Variants in RANBP17 observed in about 807,000 individuals in gnomAD.
RANBP17 encodes RAN binding protein 17, also known as ran-binding protein 17.
A neutral mutation model predicts 141.2 loss-of-function variants in RANBP17; 158 were observed. The observed-to-expected ratio is 1.12, with a 90% CI of 0.98 to 1.28. The LOEUF is 1.28. Ranked by LOEUF, RANBP17 falls within the 50% of genes most tolerant of loss-of-function variation. The probability of loss-of-function intolerance (pLI) is 0.00; values close to 1 mark genes in which losing one functional copy is unlikely to be tolerated. For missense variants in RANBP17, 1,438 were observed against 1,290.7 expected, an observed-to-expected ratio of 1.11 and a Z score of -1.75; for synonymous variants, 430 against 450.0, an observed-to-expected ratio of 0.96 and a Z score of 0.56.
intron 12 of RANBP17, among the ~76,000 whole-genome samples, chr5:170,934,248 T>C (rs1773664286): frequency 6.6e-6 from 1 of 151,706 alleles, no homozygotes; most frequent in Non-Finnish European, 1.5e-5. Context: ...CCTGCTTTTT[T>C]TGTTTTCCAT....
chr5:171,226,595 T>C (rs1258884164), intron 22 of RANBP17, among the ~76,000 whole-genome samples: 1 of 152,140 alleles, frequency 6.6e-6, no homozygotes, highest in Non-Finnish European at 1.5e-5. Context: ...ACCTAGATAA[T>C]AGGCCATTGG....
At chr5:171,053,808 A>C (rs546443251) in intron 14 of RANBP17, among the ~76,000 whole-genome samples, 6 of 145,416 alleles carry the variant, frequency 4.1e-5, no homozygotes, top group African/African-American at 1.5e-4. Flanking sequence ...TCTTGGGGGA[A>C]AGCTTTCAGT....
chr5:171,073,472 T>A (rs1561622773), intron 14 of RANBP17, among the ~76,000 whole-genome samples: 1 of 152,140 alleles, frequency 6.6e-6, no homozygotes, highest in Non-Finnish European at 1.5e-5. Context: ...GAGCCAAGTT[T>A]CTCTCTGTCA....
chr5:171,087,438 C>T (rs1007549149), intron 14 of RANBP17, among the ~76,000 whole-genome samples: 1 of 152,118 alleles, frequency 6.6e-6, no homozygotes, highest in East Asian at 1.9e-4. Context: ...AATGTATATT[C>T]TGTTGATTTG....
intron 26 of RANBP17, among the ~76,000 whole-genome samples, chr5:171,294,394 C>T (rs911913981): frequency 6.6e-6 from 1 of 152,176 alleles, no homozygotes; most frequent in African/African-American, 2.4e-5. Context: ...CCTCACAGAA[C>T]CAGCACCCTT....
intron 24 of RANBP17, chr5:171,252,119 C>T: frequency 6.3e-7 from 1 of 1,593,694 alleles, no homozygotes; most frequent in East Asian, 2.2e-5. Context: ...TAATACCTCC[C>T]AAGAAGTTCA....
intron 14 of RANBP17, among the ~76,000 whole-genome samples, chr5:171,045,562 A>G (rs1333641329): frequency 6.6e-6 from 1 of 152,138 alleles, no homozygotes; most frequent in African/African-American, 2.4e-5. Flanking sequence ...TAACAGACTA[A>G]TTGTCTTTAA....
At chr5:170,984,055 C>A (rs1184515772) in intron 14 of RANBP17, among the ~76,000 whole-genome samples, 3 of 151,988 alleles carry the variant, frequency 2.0e-5, no homozygotes, top group Admixed American at 1.3e-4. Flanking sequence ...TCAGCAAATA[C>A]TGAATAAATA....
intron 9 of RANBP17, among the ~76,000 whole-genome samples, chr5:170,917,356 A>G (rs1017107219): frequency 2.0e-5 from 3 of 152,186 alleles, no homozygotes; most frequent in African/African-American, 7.2e-5. Context: ...CATTAACTTT[A>G]GAGCTTCATT....
In RANBP17 at chr5:171,115,680, G is replaced by A. The variant is rs1755568759; in HGVS notation, c.1711-54450G>A. On this transcript the variant is annotated intron_variant, in intron 14 of 27. Coordinates refer to ENST00000523189, the MANE Select transcript of RANBP17 (RefSeq NM_022897.5). ...TTATATACTTAGTGCACAATCTAAC[G>A]GGATTCCAACAAGTATCACATTACT... Among the ~76,000 whole-genome samples, 5 of 152,118 alleles carry A rather than the reference G, an allele frequency of 3.3e-5. No homozygotes were observed. The South Asian group carries it at 8.3e-4, about 25-fold the overall frequency.
chr5:171,013,933 G>A (rs547122881), intron 14 of RANBP17, among the ~76,000 whole-genome samples: 1 of 152,016 alleles, frequency 6.6e-6, no homozygotes, highest in East Asian at 1.9e-4. Context: ...AGTTGTTGAG[G>A]GAGAAGTCTT....
intron 14 of RANBP17, among the ~76,000 whole-genome samples, chr5:170,994,248 A>C (rs1303835556): frequency 6.6e-6 from 1 of 152,036 alleles, no homozygotes; most frequent in Non-Finnish European, 1.5e-5. Context: ...TATCTAATCA[A>C]GTTCGGATAT....
intron 4 of RANBP17, among the ~76,000 whole-genome samples, chr5:170,893,619 C>T (rs1248250295): frequency 2.0e-5 from 3 of 151,916 alleles, no homozygotes; most frequent in Non-Finnish European, 4.4e-5. Context: ...CGGTGAAACC[C>T]TGTCTCTACT....
At chr5:171,053,878 CATAT>C (rs58623197) in intron 14 of RANBP17, among the ~76,000 whole-genome samples, 959 of 16,970 alleles carry the variant, frequency 0.057, 12 homozygotes, top group South Asian at 0.12. Context: ...GTGTTTAGTT[CATAT>C]ATATATATAT....
chr5:170,979,144 G>A (rs531730160), intron 14 of RANBP17, among the ~76,000 whole-genome samples: 3 of 152,106 alleles, frequency 2.0e-5, no homozygotes, highest in Admixed American at 6.5e-5. Flanking sequence ...AATAATATGT[G>A]CATGGGATTA....
At chr5:171,182,890 A>C (rs1194667452) in intron 16 of RANBP17, among the ~76,000 whole-genome samples, 4 of 152,176 alleles carry the variant, frequency 2.6e-5, no homozygotes, top group Non-Finnish European at 4.4e-5. Flanking sequence ...ATTTTCCACT[A>C]TCAAGACTTT....
intron 1 of RANBP17, among the ~76,000 whole-genome samples, chr5:170,862,715 G>A (rs1286810241): frequency 6.6e-6 from 1 of 152,190 alleles, no homozygotes; most frequent in East Asian, 1.9e-4. Context: ...AAGATGGGAC[G>A]CGTGCTTGTA....
chr5:171,079,065 G>A (rs897421090), intron 14 of RANBP17, among the ~76,000 whole-genome samples: 11 of 152,212 alleles, frequency 7.2e-5, no homozygotes, highest in African/African-American at 2.7e-4. Context: ...AAGAACATTT[G>A]TGATTCATGG....
At chr5:171,183,059 A>G (rs1760967449) in intron 16 of RANBP17, 108 bp from the exon 17 acceptor site, 3 of 622,242 alleles carry the variant, frequency 4.8e-6, no homozygotes, top group Non-Finnish European at 2.8e-6. Flanking sequence ...TAGAAATTAT[A>G]TTTTTTTATA....
Sources: allele counts gnomAD v4.1 joint callset (sites outside exome capture counted in the v4.1 genomes callset), GRCh38; gene constraint gnomAD v4.1.1; transcripts MANE v1.5; gene names NCBI Gene and HGNC (gene_info 2026-07-23, HGNC 2026-07-21).